Variants in IRS1 observed in about 807,000 individuals in gnomAD.
IRS1 encodes insulin receptor substrate 1.
A neutral mutation model predicts 65.6 loss-of-function variants in IRS1; 34 were observed. The observed-to-expected ratio is 0.52, with a 90% confidence interval of 0.39 to 0.69. The LOEUF is 0.69. Among genes scored for constraint, IRS1 ranks in the 30% least tolerant of loss-of-function variants. The pLI is 0.00. For missense variants in IRS1, 1,641 were observed against 1,720.2 expected (o/e 0.95, Z 0.81); for synonymous variants, 699 against 683.5 (o/e 1.02, Z -0.35).
chr2:226,799,653 C>CCCCTCCT lies in IRS1; in HGVS notation c.-922_-916dup, dbSNP rs1033789409. ...AGGCGCTGCCGCTGCAGTTACTTCTCCCCTCCTCCCTCCTCCTCCTCCTCC... is the reference window on the plus strand; with the variant it reads ...AGGCGCTGCCGCTGCAGTTACTTCTCCCCTCCTCCCTCCTCCCTCCTCCTCCTCCTCC... On this transcript the variant is annotated 5_prime_UTR_variant, in exon 1 of 2. Coordinates refer to ENST00000305123, the MANE Select transcript of IRS1 (RefSeq NM_005544.3). The surrounding 1 kb of genome is among the most constrained non-coding windows in gnomAD (Gnocchi z 6.1). 6.0e-6 allele frequency: 6 copies of CCCCTCCT among 1,002,420 alleles called. No homozygotes were observed. Among genetic ancestry groups the CCCCTCCT allele is most frequent in the African/African-American group, 5.2e-5 (3 of 57,206 alleles). 62.1% of individuals were successfully genotyped at this position (1,002,420 alleles called of 1,614,324 possible). A position where few individuals can be genotyped will look rare whatever the true frequency, so the allele number is the denominator to read the frequency against.
At chr2:226,786,196 G>A (rs1176280679) in intron 1 of IRS1, among the ~76,000 whole-genome samples, 1 of 150,906 alleles carries the variant, frequency 6.6e-6, no homozygotes, top group African/African-American at 2.4e-5. Context: ...TAGTGCCGCA[G>A]TAAACATACG....
At chr2:226,792,037 A>T (rs1259434415) in intron 1 of IRS1, 3 of 152,328 alleles carry the variant, frequency 2.0e-5, no homozygotes, top group Non-Finnish European at 4.4e-5. Context: ...GGCTGGGGAA[A>T]GGGGAGGGAG....
chr2:226,767,125 T>C (rs1939068087), intron 1 of IRS1, among the ~76,000 whole-genome samples: 2 of 152,132 alleles, frequency 1.3e-5, no homozygotes, highest in Non-Finnish European at 2.9e-5. Context: ...AGGCCTGATA[T>C]GTAGGTGTTA....
chr2:226,764,364 C>A (rs886587005), intron 1 of IRS1, among the ~76,000 whole-genome samples: 14 of 151,732 alleles, frequency 9.2e-5, no homozygotes, highest in Non-Finnish European at 1.8e-4. Context: ...GACAACATGG[C>A]AAGACCCCTT....
intron 1 of IRS1, among the ~76,000 whole-genome samples, chr2:226,746,946 T>C (rs144296996): frequency 0.025 from 3,753 of 151,942 alleles, 150 homozygotes; most frequent in African/African-American, 0.085. Flanking sequence ...CGCACCACCA[T>C]GCCTGGCTAA....
chr2:226,743,815 A>T (rs1399321344), intron 1 of IRS1, among the ~76,000 whole-genome samples: 1 of 152,198 alleles, frequency 6.6e-6, no homozygotes, highest in Non-Finnish European at 1.5e-5. Context: ...AAACCAGTAG[A>T]CTTGCATTAA....
Position 226,798,755 on chromosome 2 carries a change from CCAA to C in IRS1, c.-20_-18del. 6.2e-7 allele frequency: 1 copy of C among 1,607,220 alleles called. No homozygotes were observed. The highest frequency in any genetic ancestry group is 1.7e-5 in the Admixed American group (1 of 58,822). On this transcript the variant is annotated 5_prime_UTR_variant, in exon 1 of 2. Coordinates refer to ENST00000305123, the MANE Select transcript of IRS1 (RefSeq NM_005544.3). The surrounding 1 kb of genome is among the most constrained non-coding windows in gnomAD (Gnocchi z 9.4). Reference sequence around the variant, plus strand: ...GCTCGCCATGCTGCCACCGCCACCACCAACGCTGAGCAGAGGGAGGCTCCGAAA... The same window carrying C: ...GCTCGCCATGCTGCCACCGCCACCACCGCTGAGCAGAGGGAGGCTCCGAAA...
At chr2:226,769,903 C>T (rs1363609478) in intron 1 of IRS1, among the ~76,000 whole-genome samples, 1 of 152,048 alleles carries the variant, frequency 6.6e-6, no homozygotes, top group Non-Finnish European at 1.5e-5. Context: ...AAAGTATGGC[C>T]GTTCAAGTCT....
intron 1 of IRS1, among the ~76,000 whole-genome samples, chr2:226,791,570 G>T (rs972179771): frequency 6.6e-6 from 1 of 152,084 alleles, no homozygotes. Context: ...GGGGGCCTGC[G>T]GCTCGGCCTG....
At chr2:226,772,202 C>T (rs370085502) in intron 1 of IRS1, among the ~76,000 whole-genome samples, 2 of 152,092 alleles carry the variant, frequency 1.3e-5, no homozygotes, top group African/African-American at 2.4e-5. Context: ...GTGAAAGGGG[C>T]GTTGGTGGGA....
In IRS1 at chr2:226,733,184, C is replaced by T. The variant is rs1160984499; in HGVS notation, c.*3088G>A. On this transcript the variant is annotated 3_prime_UTR_variant, in exon 2 of 2. Transcript: ENST00000305123. ...CAGTATTGTAAAATACTGTTTCTTA[C>T]CATACAGAAAAATTGTTTCTTAATA... 6.6e-6 allele frequency: 1 copy of T among 152,080 alleles called. No individual in the cohort carries two copies. 9.4% of individuals were successfully genotyped at this position (152,080 alleles called of 1,614,324 possible).
intron 1 of IRS1, among the ~76,000 whole-genome samples, chr2:226,746,941 C>G (rs1037151465): frequency 2.0e-4 from 30 of 152,058 alleles, no homozygotes; most frequent in African/African-American, 6.8e-4. Context: ...AGGCACGCAC[C>G]ACCATGCCTG....
intron 1 of IRS1, among the ~76,000 whole-genome samples, chr2:226,743,659 A>G (rs980831107): frequency 6.6e-6 from 1 of 152,186 alleles, no homozygotes; most frequent in South Asian, 2.1e-4. Context: ...TTTCATGGGC[A>G]CTATTTCTGC....
intron 1 of IRS1, among the ~76,000 whole-genome samples, chr2:226,774,810 T>C (rs1200963366): frequency 2.0e-5 from 3 of 152,194 alleles, no homozygotes; most frequent in South Asian, 2.1e-4. Flanking sequence ...CTTAACTGCA[T>C]ATTGCTAAGT....
At chr2:226,785,087 C>A (rs1307455419) in intron 1 of IRS1, among the ~76,000 whole-genome samples, 2 of 151,994 alleles carry the variant, frequency 1.3e-5, no homozygotes, top group African/African-American at 4.8e-5. Context: ...AAGACTATTC[C>A]AATAAAAAGC....
chr2:226,794,479 T>C lies in IRS1; in HGVS notation c.*21+510A>G, dbSNP rs533444248. 6.1e-4 allele frequency among the ~76,000 whole-genome samples: 93 copies of C among 152,324 alleles called. No homozygotes were observed. Among genetic ancestry groups the C allele is most frequent in the Admixed American group, 1.2e-3 (18 of 15,306 alleles). On this transcript the variant is annotated intron_variant, in intron 1 of 1. Transcript: ENST00000305123. This position sits in a 1 kb window ranked among gnomAD's most constrained non-coding sequence, Gnocchi z 4.1. ...CAATGCTTCCCGCTGCTGTTTATGT[T>C]GCCCTAGTATTATGAAATCACAGAA...
At position 226,799,117 on chromosome 2, in the gene IRS1, G is replaced by T. The variant is rs1443435498; in HGVS notation, c.-379C>A. 2 of 1,176,334 alleles carry T rather than the reference G, an allele frequency of 1.7e-6. No individual in the cohort carries two copies. 72.9% of individuals were successfully genotyped at this position (1,176,334 alleles called of 1,614,324 possible). On this transcript the variant is annotated 5_prime_UTR_variant, in exon 1 of 2. Coordinates refer to ENST00000305123, the MANE Select transcript of IRS1 (RefSeq NM_005544.3). The surrounding 1 kb of genome is among the most constrained non-coding windows in gnomAD (Gnocchi z 6.1). Reference sequence around the variant, plus strand: ...CGGCACAGGGAGGCGACAGTCGGGGGTCCCTGCGGTGCCCCTCCAGGAGCG... The same window carrying T: ...CGGCACAGGGAGGCGACAGTCGGGGTTCCCTGCGGTGCCCCTCCAGGAGCG...
rs1223834332 is a variant in IRS1 at position 226,735,704 on chromosome 2, C to A, written c.*568G>T. 6.6e-6 allele frequency: 1 copy of A among 152,560 alleles called. No individual in the cohort carries two copies. Among genetic ancestry groups the A allele is most frequent in the Non-Finnish European group, 1.5e-5 (1 of 68,016 alleles). The allele number at this position is 152,560 out of a possible 1,614,324, so 9.5% of individuals were successfully genotyped here. ...TTTTAAGCATTTGCTCCACTCTTTA[C>A]AACAGAACATTGTATACCTCCATCC... On this transcript the variant is annotated 3_prime_UTR_variant, in exon 2 of 2. Transcript: ENST00000305123.
rs1939812046 is a variant in IRS1, at chr2:226,798,640, G to T, written c.99C>A (p.Arg33=). The change falls in exon 1 of 2, where the codon CGC becomes CGA. Residue 33 remains arginine (R), a synonymous_variant. Transcript: ENST00000305123. This position sits in a 1 kb window ranked among gnomAD's most constrained non-coding sequence, Gnocchi z 9.4. ...CCGGGCCCCCAGCCTCGCTGGCCGC[G>T]CGCAGTACGAAGAAGCGTTTGTGCA... is the stretch of plus-strand genomic sequence containing the variant. ...KSMHKRFFVL[R]AASEAGGPAR... is the part of the protein sequence containing the mutation. 6.2e-7 allele frequency: 1 copy of T among 1,612,900 alleles called. No individual in the cohort carries two copies. Among genetic ancestry groups the T allele is most frequent in the Non-Finnish European group, 8.5e-7 (1 of 1,179,584 alleles).
Sources: gnomAD v4.1 joint callset for allele counts (sites outside exome capture counted in the v4.1 genomes callset) on GRCh38, gnomAD v4.1.1 for gene constraint, Gnocchi (gnomAD v3.1) non-coding constraint, MANE v1.5 for transcripts, NCBI Gene and HGNC (gene_info 2026-07-23, HGNC 2026-07-21) for gene names.